Variants in WFDC1 observed in about 807,000 individuals in gnomAD.
WFDC1 encodes the protein WAP four-disulfide core domain protein 1.
Under a neutral mutation model 32.9 loss-of-function variants are expected in WFDC1, and 39 were observed. That is an observed-to-expected ratio of 1.19 (90% CI 0.92 to 1.55). The LOEUF (loss-of-function observed/expected upper bound fraction) is 1.55, where lower values mean the gene tolerates loss of function less well. Ranked by LOEUF, WFDC1 falls within the 40% of genes most tolerant of loss-of-function variation. The pLI, the probability that WFDC1 is intolerant of heterozygous loss-of-function variation, is 0.00. For missense variants in WFDC1, 386 were observed against 309.5 expected, an observed-to-expected ratio of 1.25 and a Z score of -1.85; for synonymous variants, 184 against 137.4, an observed-to-expected ratio of 1.34 and a Z score of -2.37.
At chr16:84,320,155 A>G (rs979092790) in intron 4 of WFDC1, among the ~76,000 whole-genome samples, 2 of 152,208 alleles carry the variant, frequency 1.3e-5, no homozygotes, top group African/African-American at 4.8e-5. Context: ...TACACGACAC[A>G]TTCAATATTT....
chr16:84,324,350 G>A (rs2151380190), intron 4 of WFDC1, 69 bp from the exon 5 acceptor site: 1 of 1,423,812 alleles, frequency 7.0e-7, no homozygotes, highest in Non-Finnish European at 9.9e-7. Context: ...ATTCCTCAGT[G>A]TTATTATGAC....
chr16:84,319,902 G>C (rs1043269028), intron 4 of WFDC1, among the ~76,000 whole-genome samples: 1 of 152,152 alleles, frequency 6.6e-6, no homozygotes, highest in African/African-American at 2.4e-5. Flanking sequence ...ACTACATGCT[G>C]TTGTGGGGCG....
chr16:84,313,300 C>G (rs369822011), intron 2 of WFDC1, 147 bp downstream of exon 2: 2 of 657,928 alleles, frequency 3.0e-6, no homozygotes, highest in Non-Finnish European at 4.3e-6. Flanking sequence ...TGAACTGGGA[C>G]GGGCGCTCCT....
chr16:84,309,458 C>G (rs1184676082), intron 1 of WFDC1, among the ~76,000 whole-genome samples: 1 of 151,790 alleles, frequency 6.6e-6, no homozygotes, highest in Non-Finnish European at 1.5e-5. Flanking sequence ...GCATCGAGGC[C>G]AGGGACGAGG....
chr16:84,304,036 G>C (rs1907101046), intron 1 of WFDC1, among the ~76,000 whole-genome samples: 1 of 152,224 alleles, frequency 6.6e-6, no homozygotes, highest in African/African-American at 2.4e-5. Context: ...TCTAAGGCCT[G>C]CCTGGTGTTC....
In WFDC1 at chr16:84,319,442, A is replaced by G; in HGVS notation, c.433A>G (p.Ser145Gly). 2 of 1,610,642 alleles carry G rather than the reference A, an allele frequency of 1.2e-6. No individual in the cohort carries two copies. Among genetic ancestry groups the G allele is most frequent in the Non-Finnish European group, 1.7e-6 (2 of 1,179,862 alleles). The change falls in exon 4 of 7, where the codon AGC (serine) becomes GGC (glycine). Residue 145 changes from serine to glycine, a missense_variant. Transcript: ENST00000219454. ...PEEVLQAEAC[S>G]TTEDGAEPLL... is the part of the protein sequence containing the mutation. ...TGTCCCTCCTGCAGCAGAGGCGTGC[A>G]GCACCACGGAGGATGGGGCCGAACC...
At chr16:84,321,856 G>A (rs574876659) in intron 4 of WFDC1, among the ~76,000 whole-genome samples, 62 of 152,304 alleles carry the variant, frequency 4.1e-4, no homozygotes, top group African/African-American at 1.2e-3. Flanking sequence ...TTCTTCCTCC[G>A]TGGCCTTGAG....
intron 1 of WFDC1, among the ~76,000 whole-genome samples, chr16:84,307,761 C>T (rs2151372270): frequency 6.6e-6 from 1 of 152,310 alleles, no homozygotes; most frequent in Middle Eastern, 3.4e-3. Flanking sequence ...GCTGGGGCGC[C>T]TGTCATGTTA....
intron 1 of WFDC1, among the ~76,000 whole-genome samples, chr16:84,296,048 G>C (rs1906577840): frequency 6.6e-6 from 1 of 152,184 alleles, no homozygotes; most frequent in African/African-American, 2.4e-5. Flanking sequence ...AACTAGGAGA[G>C]AGAATGGGGT....
chr16:84,319,716 G>A, intron 4 of WFDC1, 145 bp downstream of exon 4: 1 of 1,112,894 alleles, frequency 9.0e-7, no homozygotes, highest in Non-Finnish European at 1.2e-6. Flanking sequence ...TCTTCCCCCT[G>A]CCCGGCTCCT....
At chr16:84,319,135 G>T in intron 3 of WFDC1, 2 of 447,912 alleles carry the variant, frequency 4.5e-6, no homozygotes, top group Admixed American at 3.9e-5. Context: ...GTGTGTTTCA[G>T]GGTGTATCCG....
At chr16:84,314,082 C>G (rs1442229190) in intron 2 of WFDC1, among the ~76,000 whole-genome samples, 1 of 151,956 alleles carries the variant, frequency 6.6e-6, no homozygotes, top group Non-Finnish European at 1.5e-5. Context: ...AGACAACGTG[C>G]AGCTCACGGT....
Position 84,312,985 on chromosome 16 carries a change from G to GGCCCCCGGCA in WFDC1, c.175_184dup (p.Arg62ProfsTer78), listed in dbSNP as rs1263925176. 4.2e-6 allele frequency: 5 copies of GGCCCCCGGCA among 1,185,542 alleles called. No individual in the cohort carries two copies. The African/African-American group carries it at 4.8e-5, about 11-fold the overall frequency. 73.4% of individuals were successfully genotyped at this position (1,185,542 alleles called of 1,614,324 possible). ...GGCCGAGGAGGCGGGCGCGCCCGGCGGCCCCCGGCAGCCCCGAGCAGACCG... is the reference window on the plus strand; with the variant it reads ...GGCCGAGGAGGCGGGCGCGCCCGGCGGCCCCCGGCAGCCCCCGGCAGCCCCGAGCAGACCG... On this transcript the variant is annotated frameshift_variant, in exon 2 of 7. Transcript: ENST00000219454. LOFTEE classifies it high-confidence loss of function.
At chr16:84,321,668 G>C (rs149974145) in intron 4 of WFDC1, among the ~76,000 whole-genome samples, 2 of 152,224 alleles carry the variant, frequency 1.3e-5, no homozygotes, top group Non-Finnish European at 2.9e-5. Context: ...AAGAGGGTCA[G>C]TCATTCAGTG....
At chr16:84,315,469 A>G (rs2151376515) in intron 2 of WFDC1, among the ~76,000 whole-genome samples, 1 of 152,322 alleles carries the variant, frequency 6.6e-6, no homozygotes, top group East Asian at 1.9e-4. Context: ...ATAATACTCA[A>G]TAAATATTCA....
At chr16:84,295,447 T>C in intron 1 of WFDC1, 1 of 483,586 alleles carries the variant, frequency 2.1e-6, no homozygotes. Flanking sequence ...GAGCATTCCG[T>C]CTCCCTGATC....
rs151207478 is a variant in WFDC1, at chr16:84,319,531, C to T, written c.522C>T (p.Ile174=). ...GCCCAGGTGACGTGGCCGAAGGTAT[C>T]CCCAACCGTGGGCAGTGCGTCAAGC... ...ILSPGDVAEG[I]PNRGQCVKQR... is the part of the protein sequence containing the mutation. Residue 174 remains isoleucine (I), a synonymous_variant, in exon 4 of 7, where the codon ATC becomes ATT. Transcript: ENST00000219454. The T allele has an allele frequency of 4.9e-4, 784 of 1,612,984 alleles. 1 individual carries two copies. Among genetic ancestry groups the T allele is most frequent in the Non-Finnish European group, 6.3e-4 (738 of 1,179,952 alleles).
chr16:84,320,823 A>G (rs950313216), intron 4 of WFDC1, among the ~76,000 whole-genome samples: 1 of 151,910 alleles, frequency 6.6e-6, no homozygotes, highest in African/African-American at 2.4e-5. Context: ...CAGTGACCCT[A>G]TTTGCCGAAA....
intron 1 of WFDC1, among the ~76,000 whole-genome samples, chr16:84,300,332 A>G (rs1863341266): frequency 6.6e-6 from 1 of 152,240 alleles, no homozygotes; most frequent in African/African-American, 2.4e-5. Context: ...AGTGTTCCAC[A>G]CGGTTTCTCC....
Sources: allele counts gnomAD v4.1 joint callset (sites outside exome capture counted in the v4.1 genomes callset), GRCh38; gene constraint gnomAD v4.1.1; transcripts MANE v1.5; gene names NCBI Gene and HGNC (gene_info 2026-07-23, HGNC 2026-07-21).